The following ADAM23 variants were observed in gnomAD, a reference collection of about 807,000 sequenced individuals.
The protein encoded by ADAM23 is disintegrin and metalloproteinase domain-containing protein 23.
In ADAM23, 33 loss-of-function variants were observed where a neutral mutation model predicts 120.1. The ratio of observed to expected loss-of-function variants is 0.27; its 90% CI spans 0.21 to 0.37. ADAM23 has a LOEUF of 0.37. Ranked by LOEUF, ADAM23 falls within the 10% of genes least tolerant of loss-of-function variation. The pLI is 1.00. For missense variants in ADAM23, 862 were observed against 1,058.2 expected, an observed-to-expected ratio of 0.81 and a Z score of 2.57; for synonymous variants, 367 against 375.2, an observed-to-expected ratio of 0.98 and a Z score of 0.25.
chr2:206,614,371 A>G (rs1235922516), intron 25 of ADAM23, among the ~76,000 whole-genome samples: 2 of 152,202 alleles, frequency 1.3e-5, no homozygotes, highest in African/African-American at 4.8e-5. Flanking sequence ...CAGCAAAGTT[A>G]AGAGTTATCT....
At chr2:206,485,664 A>ATCTG (rs1695996606) in intron 3 of ADAM23, among the ~76,000 whole-genome samples, 1 of 152,218 alleles carries the variant, frequency 6.6e-6, no homozygotes, top group Non-Finnish European at 1.5e-5. Flanking sequence ...TTGAGTGAGC[A>ATCTG]TCTGCTATGT....
chr2:206,592,966 G>A (rs915816304), intron 22 of ADAM23, among the ~76,000 whole-genome samples: 9 of 152,014 alleles, frequency 5.9e-5, no homozygotes, highest in Admixed American at 2.0e-4. Flanking sequence ...TAGTAATATG[G>A]CCTTCTTTGT....
chr2:206,548,561 T>C lies in ADAM23; in HGVS notation c.867+207T>C, dbSNP rs548387396. Among the ~76,000 whole-genome samples the C allele has an allele frequency of 8.5e-5, 13 of 152,356 alleles. No individual in the cohort carries two copies. The South Asian group carries it at 2.7e-3, about 32-fold the overall frequency. On this transcript the variant is annotated intron_variant, in intron 8 of 25. Coordinates refer to ENST00000264377, the MANE Select transcript of ADAM23 (RefSeq NM_003812.4). ...CTTTCTGTTAGTGATTCAAACTGAT[T>C]ACGGTAGTCTCTGAACCCTGACGTC...
chr2:206,475,889 C>T (rs945739956), intron 2 of ADAM23, among the ~76,000 whole-genome samples: 14 of 151,912 alleles, frequency 9.2e-5, no homozygotes, highest in East Asian at 1.9e-4. Context: ...GGAAAAGAAC[C>T]GTATGCAACA....
intron 3 of ADAM23, among the ~76,000 whole-genome samples, chr2:206,519,540 AT>A (rs1559245329): frequency 6.6e-6 from 1 of 152,162 alleles, no homozygotes; most frequent in Non-Finnish European, 1.5e-5. Context: ...ACTTAAAAAA[AT>A]AGTTGCCACT....
At chr2:206,563,915 A>C (rs1010060387) in intron 13 of ADAM23, among the ~76,000 whole-genome samples, 11 of 151,840 alleles carry the variant, frequency 7.2e-5, no homozygotes, top group African/African-American at 2.7e-4. Flanking sequence ...TATTTTTAGT[A>C]GAGATGGGGT....
intron 3 of ADAM23, among the ~76,000 whole-genome samples, chr2:206,520,483 A>G (rs899754102): frequency 6.6e-6 from 1 of 152,232 alleles, no homozygotes; most frequent in Non-Finnish European, 1.5e-5. Context: ...GGCAACATTT[A>G]GTTAAAAACC....
chr2:206,459,311 A>G (rs564727982), intron 2 of ADAM23, among the ~76,000 whole-genome samples: 73 of 152,296 alleles, frequency 4.8e-4, no homozygotes, highest in African/African-American at 1.7e-3. Context: ...GAAATGGTTA[A>G]TTATTATTCT....
At chr2:206,587,269 A>G (rs1698340735) in intron 18 of ADAM23, 56 bp from the exon 19 acceptor site, 1 of 1,344,254 alleles carries the variant, frequency 7.4e-7, no homozygotes, top group Non-Finnish European at 1.1e-6. Context: ...TAGTATGTAC[A>G]TTATCTGAAG....
intron 25 of ADAM23, among the ~76,000 whole-genome samples, chr2:206,610,676 A>G (rs2105865154): frequency 6.6e-6 from 1 of 152,354 alleles, no homozygotes; most frequent in East Asian, 1.9e-4. Context: ...CACACTGCTT[A>G]CTGAACTAAG....
intron 18 of ADAM23, among the ~76,000 whole-genome samples, chr2:206,580,069 A>G (rs147698538): frequency 0.011 from 1,722 of 152,142 alleles, 14 homozygotes; most frequent in Middle Eastern, 0.031. Flanking sequence ...TTAATCTTGT[A>G]TCTGGAAACT....
intron 18 of ADAM23, among the ~76,000 whole-genome samples, chr2:206,573,624 T>TAA (rs34558052): frequency 7.0e-6 from 1 of 141,926 alleles, no homozygotes; most frequent in African/African-American, 2.6e-5. Context: ...TACTTAACAG[T>TAA]AAAAAAAAAA....
chr2:206,561,110 G>A lies in ADAM23; in HGVS notation c.1170-18G>A. 5 of 1,612,942 alleles carry A rather than the reference G, an allele frequency of 3.1e-6. No homozygotes were observed. Among genetic ancestry groups the A allele is most frequent in the Non-Finnish European group, 4.2e-6 (5 of 1,179,020 alleles). On this transcript the variant is annotated intron_variant, in intron 11 of 25. Coordinates refer to ENST00000264377, the MANE Select transcript of ADAM23 (RefSeq NM_003812.4). ...GGTCCACCACGTTGGTTTTCTGATAGCACTGCTTTTTCTTAAGGCGGGTGA... is the reference window on the plus strand; with the variant it reads ...GGTCCACCACGTTGGTTTTCTGATAACACTGCTTTTTCTTAAGGCGGGTGA...
intron 11 of ADAM23, among the ~76,000 whole-genome samples, chr2:206,560,666 A>G (rs1419927959): frequency 6.6e-6 from 1 of 152,186 alleles, no homozygotes; most frequent in Non-Finnish European, 1.5e-5. Flanking sequence ...TTCCCCAGTC[A>G]TGGCAAAGCT....
At chr2:206,461,502 A>G (rs911504214) in intron 2 of ADAM23, among the ~76,000 whole-genome samples, 1 of 152,174 alleles carries the variant, frequency 6.6e-6, no homozygotes, top group Admixed American at 6.5e-5. Context: ...CTAGATTTAA[A>G]TTTCCTAATT....
intron 2 of ADAM23, among the ~76,000 whole-genome samples, chr2:206,480,711 A>T (rs1695878930): frequency 6.6e-6 from 1 of 152,196 alleles, no homozygotes; most frequent in Non-Finnish European, 1.5e-5. Flanking sequence ...CAGTATTCAC[A>T]AAAGGCCAGG....
At chr2:206,470,365 C>G (rs1320367359) in intron 2 of ADAM23, among the ~76,000 whole-genome samples, 1 of 152,002 alleles carries the variant, frequency 6.6e-6, no homozygotes, top group African/African-American at 2.4e-5. Flanking sequence ...GTGGTGAGAC[C>G]TATCATTTGC....
At chr2:206,539,764 C>T (rs1697253349) in intron 4 of ADAM23, among the ~76,000 whole-genome samples, 1 of 152,122 alleles carries the variant, frequency 6.6e-6, no homozygotes, top group African/African-American at 2.4e-5. Flanking sequence ...TATGAGATAA[C>T]TCAAGATCTT....
chr2:206,540,236 C>T, intron 4 of ADAM23, among the ~76,000 whole-genome samples: 1 of 142,916 alleles, frequency 7.0e-6, no homozygotes, highest in South Asian at 2.1e-4. Flanking sequence ...CACACACACA[C>T]ACACACACAC....
Sources: gnomAD v4.1 joint callset for allele counts (sites outside exome capture counted in the v4.1 genomes callset) on GRCh38, gnomAD v4.1.1 for gene constraint, MANE v1.5 for transcripts, NCBI Gene and HGNC (gene_info 2026-07-23, HGNC 2026-07-21) for gene names.